Variants in PDZD2 observed in about 807,000 individuals in gnomAD.
PDZD2 encodes the protein PDZ domain containing 2.
Under a neutral mutation model 220.7 loss-of-function variants are expected in PDZD2, and 90 were observed. That is an observed-to-expected ratio of 0.41 (90% CI 0.34 to 0.49). The LOEUF (loss-of-function observed/expected upper bound fraction) is 0.49, where lower values mean the gene tolerates loss of function less well. Among genes scored for constraint, PDZD2 ranks in the 20% least tolerant of loss-of-function variants. The probability of loss-of-function intolerance (pLI) is 0.28; values close to 1 mark genes in which losing one functional copy is unlikely to be tolerated. For missense variants in PDZD2, 3,174 were observed against 3,608.5 expected, an observed-to-expected ratio of 0.88 and a Z score of 3.08; for synonymous variants, 1,375 against 1,450.5, an observed-to-expected ratio of 0.95 and a Z score of 1.18.
Position 32,048,673 on chromosome 5 carries a change from A to G in PDZD2, c.1654A>G (p.Ser552Gly), listed in dbSNP as rs1738218999. The change falls in exon 8 of 25, where the codon AGT becomes GGT. Residue 552 changes from serine to glycine, a missense_variant. Transcript: ENST00000438447. ...CCTCCCGCAGCTGCTGGACTCTTCC[A>G]GTGCCTCACAGGTCCGACCAGGGCT... ...HSLPQLLDSS[S>G]ASQEYHIVKK... 1.2e-6 allele frequency: 2 copies of G among 1,613,960 alleles called. No homozygotes were observed. Among genetic ancestry groups the G allele is most frequent in the African/African-American group, 2.7e-5 (2 of 74,918 alleles).
At chr5:31,770,711 G>A (rs990504192) in intron 1 of PDZD2, among the ~76,000 whole-genome samples, 8 of 149,898 alleles carry the variant, frequency 5.3e-5, no homozygotes, top group African/African-American at 1.5e-4. Context: ...GAAACCAGCG[G>A]CTGGGAGAGC....
chr5:31,999,473 A>G (rs1033206753), intron 4 of PDZD2, among the ~76,000 whole-genome samples: 2 of 151,516 alleles, frequency 1.3e-5, no homozygotes, highest in Non-Finnish European at 2.9e-5. Flanking sequence ...GGATTGTGCC[A>G]CTCCACTCCG....
At chr5:31,741,954 G>A (rs2150167219) in intron 1 of PDZD2, 1 of 152,342 alleles carries the variant, frequency 6.6e-6, no homozygotes, top group East Asian at 1.9e-4. Context: ...AAATCAAAGG[G>A]CAGCCTTTCC....
chr5:32,005,526 A>C (rs949883250), intron 5 of PDZD2, among the ~76,000 whole-genome samples: 8 of 90,848 alleles, frequency 8.8e-5, no homozygotes, highest in African/African-American at 3.1e-4. Flanking sequence ...TAGACAACCC[A>C]AAAAAAAAAA....
At chr5:31,763,991 A>G (rs2150190062) in intron 1 of PDZD2, among the ~76,000 whole-genome samples, 1 of 152,310 alleles carries the variant, frequency 6.6e-6, no homozygotes, top group Admixed American at 6.5e-5. Flanking sequence ...ATTATATACG[A>G]ATGGGATGGT....
In PDZD2 at chr5:31,742,554, C is replaced by T. The variant is rs1179569020; in HGVS notation, c.-360-56335C>T. Among the ~76,000 whole-genome samples the T allele has an allele frequency of 3.6e-4, 36 of 101,346 alleles. No individual in the cohort carries two copies. In the Admixed American group the frequency reaches 3.9e-3, roughly 11 times the overall value. 66.5% of individuals were successfully genotyped at this position (101,346 alleles called of 152,430 possible). On this transcript the variant is annotated intron_variant, in intron 1 of 24. Transcript: ENST00000438447. Reference sequence around the variant, plus strand: ...CAACTCCCCCCCTCCCCACCCCATTCCCCCACCACTGTTTCTACCCCAGGG... The same window carrying T: ...CAACTCCCCCCCTCCCCACCCCATTTCCCCACCACTGTTTCTACCCCAGGG...
At chr5:32,003,306 CCACACACACCCCA>C (rs1752471382) in intron 5 of PDZD2, among the ~76,000 whole-genome samples, 2 of 125,318 alleles carry the variant, frequency 1.6e-5, no homozygotes, top group South Asian at 5.8e-4. Flanking sequence ...AAACACCACA[CCACACACACCCCA>C]CACACACACC....
At chr5:31,827,057 A>G (rs1756273600) in intron 2 of PDZD2, among the ~76,000 whole-genome samples, 1 of 152,184 alleles carries the variant, frequency 6.6e-6, no homozygotes, top group Non-Finnish European at 1.5e-5. Context: ...GTAGGCAGCA[A>G]CAATTCTGTA....
chr5:31,768,712 C>T lies in PDZD2; in HGVS notation c.-360-30177C>T, dbSNP rs115891270. Among the ~76,000 whole-genome samples the T allele has an allele frequency of 5.2e-3, 794 of 151,620 alleles. 5 individuals are homozygous for T. The highest frequency in any genetic ancestry group is 7.6e-3 in the Non-Finnish European group (514 of 67,972). ...TGATGAGGCTGAACTGATGCCTGGT[C>T]GAAGGGTATGACATTGAGCAGCTCT... is the stretch of plus-strand genomic sequence containing the variant. On this transcript the variant is annotated intron_variant, in intron 1 of 24. Coordinates refer to ENST00000438447, the MANE Select transcript of PDZD2 (RefSeq NM_178140.4).
chr5:32,071,360 T>C (rs777142600), intron 15 of PDZD2, 24 bp from the exon 16 acceptor site: 2 of 1,572,410 alleles, frequency 1.3e-6, no homozygotes, highest in Non-Finnish European at 1.8e-6. Context: ...GTTTTGACAA[T>C]ATGGTGAATT....
At chr5:31,719,128 A>G (rs996129884) in intron 1 of PDZD2, among the ~76,000 whole-genome samples, 43 of 152,204 alleles carry the variant, frequency 2.8e-4, no homozygotes, top group African/African-American at 1.0e-3. Context: ...GCTTGTAACA[A>G]AAGGGTAGCA....
intron 2 of PDZD2, among the ~76,000 whole-genome samples, chr5:31,872,153 G>A (rs1344012767): frequency 4.0e-5 from 6 of 151,768 alleles, no homozygotes; most frequent in African/African-American, 1.5e-4. Flanking sequence ...GTGTGTGTGT[G>A]TGTGTGTGTG....
chr5:32,039,358 C>T (rs1362687054), intron 7 of PDZD2, among the ~76,000 whole-genome samples: 3 of 151,868 alleles, frequency 2.0e-5, no homozygotes, highest in South Asian at 2.1e-4. Context: ...CTGCCCGCCT[C>T]GGCCTCCCCA....
At chr5:31,712,644 T>C (rs1748195170) in intron 1 of PDZD2, among the ~76,000 whole-genome samples, 1 of 152,180 alleles carries the variant, frequency 6.6e-6, no homozygotes, top group African/African-American at 2.4e-5. Flanking sequence ...AGGACCCACA[T>C]GGCACGGTGC....
chr5:31,998,590 G>A (rs1751837869), intron 4 of PDZD2, among the ~76,000 whole-genome samples: 2 of 152,200 alleles, frequency 1.3e-5, no homozygotes, highest in South Asian at 4.1e-4. Context: ...GCGTGCATGT[G>A]TTTCATGGCA....
intron 2 of PDZD2, among the ~76,000 whole-genome samples, chr5:31,943,743 A>T (rs181247714): frequency 9.6e-4 from 147 of 152,340 alleles, no homozygotes; most frequent in African/African-American, 3.5e-3. Flanking sequence ...ACAGACAGAT[A>T]TAGGGCACAA....
chr5:31,854,271 G>T (rs1304830739), intron 2 of PDZD2, among the ~76,000 whole-genome samples: 1 of 152,242 alleles, frequency 6.6e-6, no homozygotes, highest in Non-Finnish European at 1.5e-5. Context: ...CAGCTGGAGC[G>T]ATGGCTGCAG....
At chr5:31,776,806 A>G (rs1473221117) in intron 1 of PDZD2, among the ~76,000 whole-genome samples, 1 of 131,052 alleles carries the variant, frequency 7.6e-6, no homozygotes, top group Admixed American at 7.7e-5. Context: ...ACGCCACCCT[A>G]CCCTGCTTGG....
chr5:31,694,217 C>A (rs367430), intron 1 of PDZD2, among the ~76,000 whole-genome samples: 25,057 of 151,938 alleles, frequency 0.16, 2,216 homozygotes, highest in African/African-American at 0.22. Context: ...CATGGTGAAA[C>A]CCCATCTCTA....
Sources: gnomAD v4.1 joint callset for allele counts (sites outside exome capture counted in the v4.1 genomes callset) on GRCh38, gnomAD v4.1.1 for gene constraint, MANE v1.5 for transcripts, NCBI Gene and HGNC (gene_info 2026-07-23, HGNC 2026-07-21) for gene names.